ESR2: variants seen among roughly 807,000 people sequenced by gnomAD.
ESR2 encodes estrogen receptor beta.
A neutral mutation model predicts 49.6 loss-of-function variants in ESR2; 36 were observed. That is an observed-to-expected ratio of 0.73 (90% CI 0.56 to 0.96). The LOEUF is 0.96. Ranked by LOEUF, ESR2 falls within the 40% of genes least tolerant of loss-of-function variation. ESR2 has a pLI of 0.00. For synonymous variants in ESR2, 320 were observed against 266.1 expected (o/e 1.20, Z -1.97); for missense variants, 714 against 693.0 (o/e 1.03, Z -0.34).
chr14:64,262,568 T>G (rs2076244942), intron 4 of ESR2, among the ~76,000 whole-genome samples: 1 of 151,086 alleles, frequency 6.6e-6, no homozygotes, highest in East Asian at 2.0e-4. Context: ...AAGAACACGT[T>G]ACAAAACATA....
chr14:64,245,509 CAAAAAAAAAAAA>C (rs56160081), intron 7 of ESR2, among the ~76,000 whole-genome samples: 15 of 65,462 alleles, frequency 2.3e-4, no homozygotes, highest in Admixed American at 2.3e-4. Flanking sequence ...AAGACTCTGT[CAAAAAAAAAAAA>C]AAAAAAAAAA....
At chr14:64,299,801 G>C (rs955286153) in intron 1 of ESR2, among the ~76,000 whole-genome samples, 1 of 152,096 alleles carries the variant, frequency 6.6e-6, no homozygotes, top group Non-Finnish European at 1.5e-5. Flanking sequence ...CCTCTCCTTT[G>C]CTGGGAATTA....
chr14:64,227,614 C>G (rs1394085920), downstream of ESR2: 1 of 1,614,026 alleles, frequency 6.2e-7, no homozygotes, highest in East Asian at 2.2e-5. Context: ...CCTTTTCTGC[C>G]CTTAAGTAGA....
At chr14:64,302,433 C>A (rs1033117753) in intron 1 of ESR2, among the ~76,000 whole-genome samples, 1 of 151,708 alleles carries the variant, frequency 6.6e-6, no homozygotes, top group Admixed American at 6.6e-5. Context: ...GTGATCCACC[C>A]GCCTCGGCCT....
chr14:64,239,746 C>T (rs988427672), intron 7 of ESR2, among the ~76,000 whole-genome samples: 2 of 152,184 alleles, frequency 1.3e-5, no homozygotes, highest in Non-Finnish European at 2.9e-5. Flanking sequence ...TTGTCTCTTA[C>T]TCTCAAGAGC....
chr14:64,326,913 G>A (rs551973192), intron 1 of ESR2, among the ~76,000 whole-genome samples: 1 of 152,146 alleles, frequency 6.6e-6, no homozygotes, highest in South Asian at 2.1e-4. Flanking sequence ...AAGGAACCAT[G>A]GCTTCCTTCT....
chr14:64,236,599 C>T (rs367570620), intron 7 of ESR2, among the ~76,000 whole-genome samples: 13 of 152,246 alleles, frequency 8.5e-5, no homozygotes, highest in South Asian at 6.2e-4. Flanking sequence ...CACACCTCGC[C>T]TTGAGTCCCC....
rs1190224772 is a variant in ESR2 at position 64,232,599 on chromosome 14, C to CAT, written c.*536_*537dup. The CAT allele has an allele frequency of 6.6e-6, 1 of 152,636 alleles. No homozygotes were observed. The highest frequency in any genetic ancestry group is 1.5e-5 in the Non-Finnish European group (1 of 68,358). 9.5% of individuals were successfully genotyped at this position (152,636 alleles called of 1,614,324 possible). Reference sequence around the variant, plus strand: ...CTCTGGCCTTTGACAGAATAAGCATCATATGATATGATCAGTCCCCACAGG... The same window carrying CAT: ...CTCTGGCCTTTGACAGAATAAGCATCATATATGATATGATCAGTCCCCACAGG... On this transcript the variant is annotated 3_prime_UTR_variant, in exon 9 of 9. Coordinates refer to ENST00000341099, the MANE Select transcript of ESR2 (RefSeq NM_001437.3).
At position 64,233,215 on chromosome 14, in the gene ESR2, G is replaced by C; in HGVS notation, c.1515C>G (p.Ser505=). 1 of 1,614,162 alleles carries C rather than the reference G, an allele frequency of 6.2e-7. No homozygotes were observed. The highest frequency in any genetic ancestry group is 8.5e-7 in the Non-Finnish European group (1 of 1,180,018). The change falls in exon 9 of 9, where the codon TCC becomes TCG. Residue 505 remains serine, a synonymous_variant. Coordinates refer to ENST00000341099, the MANE Select transcript of ESR2 (RefSeq NM_001437.3). ...GGCTGCACTCGGACCCCGTGATGGA[G>C]GACTTGCACCCGCGAAGCACGTGGG... ...LNAHVLRGCK[S]SITGSECSPA...
intron 1 of ESR2, among the ~76,000 whole-genome samples, chr14:64,283,476 A>C (rs1285099233): frequency 6.6e-6 from 1 of 152,176 alleles, no homozygotes; most frequent in Admixed American, 6.5e-5. Flanking sequence ...ATACGCTATG[A>C]GGCCAAGCGT....
intron 4 of ESR2, 136 bp from the exon 5 acceptor site, chr14:64,260,884 A>G: frequency 1.4e-6 from 1 of 694,000 alleles, no homozygotes; most frequent in Non-Finnish European, 2.1e-6. Flanking sequence ...TAGCAAAACC[A>G]ACGACATAAC....
chr14:64,326,477 C>CT, intron 1 of ESR2, among the ~76,000 whole-genome samples: 1 of 152,156 alleles, frequency 6.6e-6, no homozygotes, highest in East Asian at 1.9e-4. Flanking sequence ...ATAACATTAA[C>CT]TTTTTTTGAT....
At chr14:64,260,162 CAAG>C in intron 5 of ESR2, 1 of 657,488 alleles carries the variant, frequency 1.5e-6, no homozygotes, top group Non-Finnish European at 2.8e-6. Context: ...AGAAGGCAGT[CAAG>C]AATAGAAATG....
chr14:64,256,636 G>A (rs2076100784), intron 6 of ESR2, among the ~76,000 whole-genome samples: 1 of 152,090 alleles, frequency 6.6e-6, no homozygotes, highest in East Asian at 1.9e-4. Context: ...GGCTGAGGCA[G>A]CAGGATCACT....
At chr14:64,293,849 A>G (rs1449426262) in intron 1 of ESR2, among the ~76,000 whole-genome samples, 184 bp downstream of exon 1, 2 of 152,260 alleles carry the variant, frequency 1.3e-5, no homozygotes, top group Admixed American at 6.5e-5. Flanking sequence ...TTAACTTGCC[A>G]GTGTCTTGAA....
At chr14:64,326,001 T>A (rs1378939686) in intron 1 of ESR2, among the ~76,000 whole-genome samples, 1 of 151,666 alleles carries the variant, frequency 6.6e-6, no homozygotes, top group Non-Finnish European at 1.5e-5. Flanking sequence ...TTTTGCATGA[T>A]GGCCATATCC....
At chr14:64,233,361 A>G in intron 8 of ESR2, 38 bp from the exon 9 acceptor site, 1 of 1,584,208 alleles carries the variant, frequency 6.3e-7, no homozygotes, top group Non-Finnish European at 8.6e-7. Context: ...CCCTCCTCCG[A>G]GGCAGCCACA....
intron 2 of ESR2, among the ~76,000 whole-genome samples, chr14:64,281,701 T>C (rs2140815701): frequency 1.3e-5 from 2 of 152,320 alleles, no homozygotes; most frequent in South Asian, 2.1e-4. Context: ...ATTAGAAATA[T>C]TAATAATTAG....
chr14:64,234,716 A>T, intron 8 of ESR2: 1 of 731,848 alleles, frequency 1.4e-6, no homozygotes, highest in Non-Finnish European at 2.1e-6. Flanking sequence ...AACAGGCTAT[A>T]AACCCCAGCA....
Sources: allele counts gnomAD v4.1 joint callset (sites outside exome capture counted in the v4.1 genomes callset), GRCh38; gene constraint gnomAD v4.1.1; transcripts MANE v1.5; gene names NCBI Gene and HGNC (gene_info 2026-07-23, HGNC 2026-07-21).